Variants in NEDD4 observed in about 807,000 individuals in gnomAD.
NEDD4 encodes the protein E3 ubiquitin-protein ligase NEDD4.
NEDD4 carries 99 observed loss-of-function variants against 144.9 expected under a neutral mutation model. That is an observed-to-expected ratio of 0.68 (90% CI 0.58 to 0.81). The LOEUF (loss-of-function observed/expected upper bound fraction) is 0.81. NEDD4 is among the 30% of genes least tolerant of loss of function. NEDD4 has a pLI of 0.00. For synonymous variants in NEDD4, 318 were observed against 350.6 expected (o/e 0.91, Z 1.04); for missense variants, 985 against 1,065.9 (o/e 0.92, Z 1.06).
chr15:55,844,339 G>A (rs2438129), intron 18 of NEDD4, among the ~76,000 whole-genome samples: 89,186 of 151,850 alleles, frequency 0.59, 27,186 homozygotes, highest in South Asian at 0.7. Context: ...AGAAGCTGAC[G>A]GGACAGGGTG....
intron 4 of NEDD4, among the ~76,000 whole-genome samples, chr15:55,928,666 G>C (rs1431442771): frequency 1.3e-5 from 2 of 152,130 alleles, no homozygotes; most frequent in African/African-American, 4.8e-5. Flanking sequence ...CATCATTCAA[G>C]CCCAGCTCAA....
intron 1 of NEDD4, among the ~76,000 whole-genome samples, chr15:55,967,319 G>T (rs1022443941): frequency 6.6e-6 from 1 of 152,132 alleles, no homozygotes; most frequent in Admixed American, 6.6e-5. Context: ...TGGCATAGAG[G>T]TTTTATAAAG....
rs577714979 is a variant in NEDD4 at position 55,974,210 on chromosome 15, T to C, written c.46-7664A>G. Reference sequence around the variant, plus strand: ...CCTATACACATACAACCTTCCAAGATTGAACCATGAAGAAATCCAAAACAT... The same window carrying C: ...CCTATACACATACAACCTTCCAAGACTGAACCATGAAGAAATCCAAAACAT... On this transcript the variant is annotated intron_variant, in intron 1 of 28. Coordinates refer to ENST00000435532, the MANE Select transcript of NEDD4 (RefSeq NM_006154.4). 1.2e-4 allele frequency among the ~76,000 whole-genome samples: 19 copies of C among 152,158 alleles called. No homozygotes were observed. In the South Asian group the frequency reaches 2.7e-3, roughly 22 times the overall value.
intron 6 of NEDD4, among the ~76,000 whole-genome samples, chr15:55,872,917 T>TAA (rs201906568): frequency 1.5e-5 from 2 of 134,112 alleles, no homozygotes; most frequent in East Asian, 2.1e-4. Flanking sequence ...GCACCCTGTT[T>TAA]AAAAAAAAAA....
chr15:55,880,251 C>T (rs529921408), intron 5 of NEDD4, among the ~76,000 whole-genome samples: 6 of 152,084 alleles, frequency 3.9e-5, no homozygotes, highest in African/African-American at 1.4e-4. Context: ...GAGATCGCAC[C>T]ATTGCACGCT....
At position 55,860,521 on chromosome 15, in the gene NEDD4, G is replaced by A. The variant is rs759942614; in HGVS notation, c.846C>T (p.Phe282=). 11 of 1,613,998 alleles carry A rather than the reference G, an allele frequency of 6.8e-6. 1 individual carries two copies. Among genetic ancestry groups the A allele is most frequent in the Non-Finnish European group, 7.6e-6 (9 of 1,180,000 alleles). ...AGTTACTTGACGGTGGAGGTGATGG[G>A]AAGGCCTGGTTGCTATACATGGTGG... ...DEATMYSNQA[F]PSPPPSSNLD... is the part of the protein sequence containing the mutation. Residue 282 remains phenylalanine (F), a synonymous_variant, in exon 11 of 29, where the codon TTC becomes TTT. Coordinates refer to ENST00000435532, the MANE Select transcript of NEDD4 (RefSeq NM_006154.4).
At chr15:55,977,078 T>G (rs2037715171) in intron 1 of NEDD4, among the ~76,000 whole-genome samples, 1 of 152,050 alleles carries the variant, frequency 6.6e-6, no homozygotes, top group South Asian at 2.1e-4. Context: ...TGGGAGAAAA[T>G]ATGCATATCA....
chr15:55,969,313 G>A (rs1212811637), intron 1 of NEDD4, among the ~76,000 whole-genome samples: 1 of 152,156 alleles, frequency 6.6e-6, no homozygotes, highest in Non-Finnish European at 1.5e-5. Flanking sequence ...TGCCCCTGTA[G>A]GCTAAAGCAC....
chr15:55,870,871 C>G (rs2034767797), intron 7 of NEDD4, among the ~76,000 whole-genome samples: 1 of 152,070 alleles, frequency 6.6e-6, no homozygotes, highest in Admixed American at 6.6e-5. Context: ...ATTCTAGTAT[C>G]CTATGATTTA....
intron 12 of NEDD4, 86 bp downstream of exon 12, chr15:55,856,045 A>C (rs1287834623): frequency 8.3e-7 from 1 of 1,198,112 alleles, no homozygotes; most frequent in African/African-American, 1.5e-5. Flanking sequence ...CCTGTAAGGC[A>C]AACGTTCACA....
intron 4 of NEDD4, among the ~76,000 whole-genome samples, chr15:55,925,685 A>C (rs1230277663): frequency 6.6e-6 from 1 of 152,166 alleles, no homozygotes; most frequent in African/African-American, 2.4e-5. Context: ...CTATTGATAG[A>C]AAAAAGTCCT....
intron 8 of NEDD4, among the ~76,000 whole-genome samples, chr15:55,868,499 T>G (rs1234735260): frequency 1.3e-5 from 2 of 152,180 alleles, no homozygotes; most frequent in African/African-American, 4.8e-5. Context: ...TCCGGTGCTG[T>G]TCTCATGATA....
intron 1 of NEDD4, among the ~76,000 whole-genome samples, chr15:55,985,760 T>TAC (rs3049246): frequency 0.24 from 35,101 of 148,242 alleles, 4,942 homozygotes; most frequent in East Asian, 0.44. Flanking sequence ...AGAGTACACA[T>TAC]ACACACACAC....
At chr15:55,986,940 A>C (rs943779584) in intron 1 of NEDD4, among the ~76,000 whole-genome samples, 10 of 152,088 alleles carry the variant, frequency 6.6e-5, no homozygotes, top group Non-Finnish European at 1.3e-4. Context: ...AAAACTGTGC[A>C]TGTGTCTTTA....
intron 27 of NEDD4, 26 bp downstream of exon 27, chr15:55,832,982 T>A: frequency 6.6e-7 from 1 of 1,511,700 alleles, no homozygotes; most frequent in Non-Finnish European, 9.1e-7. Context: ...ATTCCATTTT[T>A]TTAATGATCT....
intron 1 of NEDD4, among the ~76,000 whole-genome samples, chr15:55,974,843 T>C (rs1322412328): frequency 1.3e-5 from 2 of 149,818 alleles, no homozygotes; most frequent in Non-Finnish European, 3.0e-5. Context: ...CTGAAAGCCT[T>C]TCCTCTATGA....
chr15:55,970,181 G>A (rs2037584064), intron 1 of NEDD4, among the ~76,000 whole-genome samples: 3 of 152,160 alleles, frequency 2.0e-5, no homozygotes, highest in Non-Finnish European at 2.9e-5. Flanking sequence ...CTGTCTGCTT[G>A]AGAAAATCAA....
chr15:55,980,007 C>A (rs1237164869), intron 1 of NEDD4, among the ~76,000 whole-genome samples: 1 of 151,814 alleles, frequency 6.6e-6, no homozygotes, highest in Non-Finnish European at 1.5e-5. Flanking sequence ...GCCTCCTAGG[C>A]TCAAGTGATT....
chr15:55,841,891 T>G (rs2033525970), intron 19 of NEDD4, 43 bp downstream of exon 19: 2 of 1,536,616 alleles, frequency 1.3e-6, no homozygotes, highest in African/African-American at 2.7e-5. Flanking sequence ...TTTAAAACAG[T>G]GATTTTTCTT....
Sources: allele counts gnomAD v4.1 joint callset (sites outside exome capture counted in the v4.1 genomes callset), GRCh38; gene constraint gnomAD v4.1.1; transcripts MANE v1.5; gene names NCBI Gene and HGNC (gene_info 2026-07-23, HGNC 2026-07-21).